Variants in DYTN observed in about 807,000 individuals in gnomAD.
The protein encoded by DYTN is dystrotelin.
In DYTN, 75 loss-of-function variants were observed where a neutral mutation model predicts 69.6. The ratio of observed to expected loss-of-function variants is 1.08; its 90% CI spans 0.89 to 1.31. DYTN has a LOEUF of 1.31. Among genes scored for constraint, DYTN ranks in the 50% most tolerant of loss-of-function variants. The pLI, the probability that DYTN is intolerant of heterozygous loss-of-function variation, is 0.00. For synonymous variants in DYTN, 252 were observed against 249.1 expected (o/e 1.01, Z -0.11); for missense variants, 726 against 688.4 (o/e 1.05, Z -0.61).
At chr2:206,715,450 G>A (rs1364119863) in intron 1 of DYTN, among the ~76,000 whole-genome samples, 1 of 152,154 alleles carries the variant, frequency 6.6e-6, no homozygotes, top group East Asian at 1.9e-4. Flanking sequence ...TTGTCTTGTT[G>A]CTTGCTGGGA....
chr2:206,697,949 T>C (rs887153041), intron 7 of DYTN, among the ~76,000 whole-genome samples: 1 of 152,232 alleles, frequency 6.6e-6, no homozygotes, highest in Admixed American at 6.5e-5. Context: ...CTGCTTTATG[T>C]TATACATAAT....
At chr2:206,652,185 C>T (rs1010336303) in intron 11 of DYTN, among the ~76,000 whole-genome samples, 1 of 152,216 alleles carries the variant, frequency 6.6e-6, no homozygotes, top group African/African-American at 2.4e-5. Context: ...CACTATTGAG[C>T]AGTGGCTCCA....
At chr2:206,713,365 A>G (rs1700097157) in intron 1 of DYTN, among the ~76,000 whole-genome samples, 2 of 152,238 alleles carry the variant, frequency 1.3e-5, no homozygotes, top group African/African-American at 4.8e-5. Flanking sequence ...AAGGTAACAC[A>G]GCCTTTTTGA....
chr2:206,686,355 G>A (rs533701130), intron 9 of DYTN, among the ~76,000 whole-genome samples: 1 of 152,314 alleles, frequency 6.6e-6, no homozygotes, highest in East Asian at 1.9e-4. Flanking sequence ...AAGAAATGAG[G>A]AGGAAAAATA....
intron 5 of DYTN, among the ~76,000 whole-genome samples, chr2:206,701,703 T>C (rs1699979259): frequency 6.6e-6 from 1 of 152,154 alleles, no homozygotes; most frequent in Non-Finnish European, 1.5e-5. Context: ...ATTCTGGGAA[T>C]CTAATTGCAG....
intron 2 of DYTN, 61 bp from the exon 3 acceptor site, chr2:206,707,564 A>C (rs569426228): frequency 6.7e-7 from 1 of 1,487,416 alleles, no homozygotes; most frequent in Non-Finnish European, 9.1e-7. Flanking sequence ...GGCTTCAAAT[A>C]AAGCAAATGT....
chr2:206,704,167 G>A (rs1328130575), intron 5 of DYTN, among the ~76,000 whole-genome samples: 5 of 152,136 alleles, frequency 3.3e-5, no homozygotes, highest in Admixed American at 6.5e-5. Flanking sequence ...AGTCACTGGA[G>A]ATATAAAAAT....
intron 2 of DYTN, among the ~76,000 whole-genome samples, chr2:206,710,124 T>A (rs1397734677): frequency 6.6e-6 from 1 of 152,218 alleles, no homozygotes; most frequent in African/African-American, 2.4e-5. Context: ...ATGCAAATCT[T>A]ACGTGGTAGA....
chr2:206,700,336 C>T (rs545491787), intron 5 of DYTN, 120 bp from the exon 6 acceptor site: 120 of 1,049,300 alleles, frequency 1.1e-4, no homozygotes, highest in Non-Finnish European at 1.3e-4. Context: ...GTATCTGAGA[C>T]GAGGTGAACT....
At chr2:206,705,165 T>C (rs1700013200) in intron 4 of DYTN, 2 of 521,144 alleles carry the variant, frequency 3.8e-6, no homozygotes, top group East Asian at 3.2e-5. Context: ...GGCACAATCT[T>C]GGCTCACTGC....
chr2:206,672,162 G>A (rs1699636614), intron 9 of DYTN, among the ~76,000 whole-genome samples: 1 of 152,144 alleles, frequency 6.6e-6, no homozygotes, highest in South Asian at 2.1e-4. Flanking sequence ...GGTTGAAAAG[G>A]ACCTTAGATT....
rs565849688 is a variant in DYTN at position 206,682,733 on chromosome 2, T to C, written c.980+10442A>G. Among the ~76,000 whole-genome samples, 15 of 152,226 alleles carry C rather than the reference T, an allele frequency of 9.9e-5. 1 individual carries two copies. The East Asian group carries it at 2.9e-3, about 29-fold the overall frequency. ...GTCAACTGCTTGGTCAATATCTCCC[T>C]GTGGACATCTCAGAGACTTCTCAAT... On this transcript the variant is annotated intron_variant, in intron 9 of 11. Transcript: ENST00000452335.
intron 7 of DYTN, 52 bp from the exon 8 acceptor site, chr2:206,694,929 A>G: frequency 1.5e-6 from 2 of 1,337,138 alleles, no homozygotes; most frequent in South Asian, 1.5e-5. Context: ...TGAGAAAAAA[A>G]AAAAAAAAAG....
At position 206,663,201 on chromosome 2, in the gene DYTN, A is replaced by G. The variant is rs769051080; in HGVS notation, c.1335T>C (p.Asn445=). 8.7e-6 allele frequency: 14 copies of G among 1,613,820 alleles called. No homozygotes were observed. The highest frequency in any genetic ancestry group is 1.1e-5 in the Non-Finnish European group (13 of 1,179,882). The change falls in exon 11 of 12, where the codon AAT becomes AAC. Residue 445 remains asparagine, a synonymous_variant. Transcript: ENST00000452335. ...EVDRSHRSHT[N]AEHALRNPES... is the part of the protein sequence containing the mutation. ...CTGGATTTCGCAGAGCATGCTCTGC[A>G]TTTGTGTGACTTCTGTGACTTCTGT...
chr2:206,667,752 G>T (rs1699589545), intron 9 of DYTN, among the ~76,000 whole-genome samples: 1 of 151,066 alleles, frequency 6.6e-6, no homozygotes, highest in South Asian at 2.1e-4. Flanking sequence ...TCTGGATCAG[G>T]CCTAAAATAG....
Position 206,651,935 on chromosome 2 carries a change from A to T in DYTN, c.1634-14T>A. On this transcript the variant is annotated splice_polypyrimidine_tract_variant and intron_variant, in intron 11 of 11. Coordinates refer to ENST00000452335, the MANE Select transcript of DYTN (RefSeq NM_001093730.1). ...AAGACTCCGGGCCTGAAATCAACAA[A>T]CAAGAGAGTCATTTAGAGAAACATA... 1 of 1,605,336 alleles carries T rather than the reference A, an allele frequency of 6.2e-7. No homozygotes were observed. Among genetic ancestry groups the T allele is most frequent in the East Asian group, 2.2e-5 (1 of 44,788 alleles).
intron 7 of DYTN, among the ~76,000 whole-genome samples, chr2:206,698,084 T>C (rs1388219679): frequency 6.6e-6 from 1 of 152,222 alleles, no homozygotes; most frequent in African/African-American, 2.4e-5. Flanking sequence ...GGTTAAATGA[T>C]TATAATGTAC....
intron 10 of DYTN, among the ~76,000 whole-genome samples, chr2:206,664,383 G>T (rs7560806): frequency 6.6e-6 from 1 of 152,156 alleles, no homozygotes; most frequent in Non-Finnish European, 1.5e-5. Flanking sequence ...AAGGCCGGGC[G>T]CAGTGGCTCA....
rs1699610532 is a variant in DYTN at position 206,669,709 on chromosome 2, T to C, written c.981-3680A>G. Among the ~76,000 whole-genome samples the C allele has an allele frequency of 2.6e-5, 4 of 152,248 alleles. No individual in the cohort carries two copies. The South Asian group carries it at 8.3e-4, about 32-fold the overall frequency. On this transcript the variant is annotated intron_variant, in intron 9 of 11. Coordinates refer to ENST00000452335, the MANE Select transcript of DYTN (RefSeq NM_001093730.1). ...TTTTAATATAGCCTTTCTAGTGCTTTACTGCTTTAAAAATGTTTTCTAATT... is the reference window on the plus strand; with the variant it reads ...TTTTAATATAGCCTTTCTAGTGCTTCACTGCTTTAAAAATGTTTTCTAATT...
Sources: gnomAD v4.1 joint callset for allele counts (sites outside exome capture counted in the v4.1 genomes callset) on GRCh38, gnomAD v4.1.1 for gene constraint, MANE v1.5 for transcripts, NCBI Gene and HGNC (gene_info 2026-07-23, HGNC 2026-07-21) for gene names.